The following LIMA1 variants were observed in gnomAD, a reference collection of about 807,000 sequenced individuals.
LIMA1 encodes the protein LIM domain and actin-binding protein 1.
LIMA1 carries 52 observed loss-of-function variants against 62.6 expected under a neutral mutation model. The ratio of observed to expected loss-of-function variants is 0.83; its 90% CI spans 0.67 to 1.05. LIMA1 has a LOEUF of 1.05. Among genes scored for constraint, LIMA1 ranks in the 50% least tolerant of loss-of-function variants. The pLI is 0.00. For synonymous variants in LIMA1, 302 were observed against 317.8 expected (o/e 0.95, Z 0.53); for missense variants, 780 against 902.2 (o/e 0.86, Z 1.74).
At chr12:50,221,658 C>A (rs921722525) in intron 4 of LIMA1, among the ~76,000 whole-genome samples, 1 of 152,108 alleles carries the variant, frequency 6.6e-6, no homozygotes, top group Non-Finnish European at 1.5e-5. Flanking sequence ...CAGCTGTGTC[C>A]AAGCAGAGAG....
intron 8 of LIMA1, chr12:50,195,610 T>TC (rs1449033062): frequency 1.3e-5 from 5 of 391,126 alleles, no homozygotes; most frequent in Non-Finnish European, 1.8e-5. Flanking sequence ...AGAAAAGCAT[T>TC]ACAAGTATTC....
chr12:50,183,708 G>T (rs990553579), intron 9 of LIMA1, among the ~76,000 whole-genome samples: 17 of 151,440 alleles, frequency 1.1e-4, no homozygotes, highest in African/African-American at 3.9e-4. Context: ...CTACTCGGGA[G>T]GCTGAGGCAG....
In LIMA1 at chr12:50,193,537, A is replaced by C. The variant is rs192395243; in HGVS notation, c.1031-976T>G. On this transcript the variant is annotated intron_variant, in intron 8 of 10. Coordinates refer to ENST00000341247, the MANE Select transcript of LIMA1 (RefSeq NM_016357.5). ...TATGATATATATACACATATATGAT[A>C]TATATATACATATATATCATATATG... is the stretch of plus-strand genomic sequence containing the variant. Among the ~76,000 whole-genome samples the C allele has an allele frequency of 6.1e-3, 829 of 136,652 alleles. 10 individuals are homozygous for C. Among genetic ancestry groups the C allele is most frequent in the African/African-American group, 0.022 (800 of 35,916 alleles). 89.6% of individuals were successfully genotyped at this position (136,652 alleles called of 152,430 possible).
At chr12:50,252,215 G>A (rs1028071736) in intron 1 of LIMA1, among the ~76,000 whole-genome samples, 1 of 152,188 alleles carries the variant, frequency 6.6e-6, no homozygotes, top group Admixed American at 6.6e-5. Flanking sequence ...AAGGCAGGAG[G>A]AGGAAGGAGG....
intron 9 of LIMA1, chr12:50,185,314 A>G: frequency 2.2e-6 from 1 of 454,328 alleles, no homozygotes; most frequent in South Asian, 1.6e-5. Context: ...GGGGAGGCAC[A>G]CACTGTGGGA....
intron 4 of LIMA1, chr12:50,220,632 C>A (rs186787571): frequency 2.6e-5 from 4 of 152,282 alleles, no homozygotes; most frequent in Admixed American, 2.6e-4. Context: ...AGGAGACTTA[C>A]AATGGTGCTT....
chr12:50,261,049 T>A (rs1462458836), intron 1 of LIMA1, among the ~76,000 whole-genome samples: 2 of 39,532 alleles, frequency 5.1e-5, no homozygotes, highest in East Asian at 5.2e-4. Flanking sequence ...TATATTTTTT[T>A]TTTTTTTTTT....
At chr12:50,263,833 A>T (rs1292779280) in intron 1 of LIMA1, among the ~76,000 whole-genome samples, 4 of 112,984 alleles carry the variant, frequency 3.5e-5, no homozygotes, top group Admixed American at 1.0e-4. Flanking sequence ...ATATAGAGAG[A>T]GTATATATAT....
intron 4 of LIMA1, among the ~76,000 whole-genome samples, chr12:50,220,121 C>T (rs750338510): frequency 2.0e-5 from 3 of 151,926 alleles, no homozygotes; most frequent in Non-Finnish European, 4.4e-5. Context: ...AGTGCAGTGG[C>T]ATGATCTCGG....
rs2138457312 is a variant in LIMA1 at position 50,198,490 on chromosome 12, G to A, written c.972+2287C>T. Among the ~76,000 whole-genome samples, 2 of 152,286 alleles carry A rather than the reference G, an allele frequency of 1.3e-5. 1 individual carries two copies. The highest frequency in any genetic ancestry group is 6.8e-3 in the Middle Eastern group (2 of 294). On this transcript the variant is annotated intron_variant, in intron 7 of 10. Coordinates refer to ENST00000341247, the MANE Select transcript of LIMA1 (RefSeq NM_016357.5). Reference sequence around the variant, plus strand: ...GATCACTTGAGCCCAAGAGTTGGAGGCTACAGTGAGCTATGATCACACTAC... The same window carrying A: ...GATCACTTGAGCCCAAGAGTTGGAGACTACAGTGAGCTATGATCACACTAC...
At position 50,218,732 on chromosome 12, in the gene LIMA1, G is replaced by A. The variant is rs111540426; in HGVS notation, c.630+3289C>T. On this transcript the variant is annotated intron_variant, in intron 4 of 10. Coordinates refer to ENST00000341247, the MANE Select transcript of LIMA1 (RefSeq NM_016357.5). ...AACAGTCTGGGCAACATAGCGAAAC[G>A]CTGTCTCCATAAAAAATTTTAAAAA... Among the ~76,000 whole-genome samples the A allele has an allele frequency of 2.8e-3, 420 of 151,928 alleles. 3 individuals carry two copies. The highest frequency in any genetic ancestry group is 9.4e-3 in the African/African-American group (388 of 41,420).
chr12:50,217,963 G>GAT (rs1941375418), intron 4 of LIMA1: 1 of 151,578 alleles, frequency 6.6e-6, no homozygotes, highest in Non-Finnish European at 1.4e-5. Flanking sequence ...GGAGTGCAGT[G>GAT]GCGTGATCTC....
chr12:50,263,793 G>C (rs1341697078), intron 1 of LIMA1, among the ~76,000 whole-genome samples: 1 of 141,852 alleles, frequency 7.0e-6, no homozygotes, highest in Non-Finnish European at 1.5e-5. Flanking sequence ...CTCTGTGTGT[G>C]TGTGTGTGTG....
At chr12:50,255,577 A>G (rs1313245412) in intron 1 of LIMA1, among the ~76,000 whole-genome samples, 1 of 151,296 alleles carries the variant, frequency 6.6e-6, no homozygotes, top group African/African-American at 2.4e-5. Flanking sequence ...AGAAAAGAAA[A>G]AAAAAAGTAA....
At chr12:50,193,638 G>A in intron 8 of LIMA1, among the ~76,000 whole-genome samples, 1 of 78,142 alleles carries the variant, frequency 1.3e-5, no homozygotes, top group African/African-American at 6.7e-5. Flanking sequence ...ATACGTGTGT[G>A]TGTGTGTGTG....
intron 1 of LIMA1, among the ~76,000 whole-genome samples, chr12:50,282,291 T>G (rs930489032): frequency 6.6e-6 from 1 of 152,180 alleles, no homozygotes; most frequent in Non-Finnish European, 1.5e-5. Context: ...TCCTGAAATA[T>G]TTAGCATTTG....
chr12:50,279,894 A>G (rs1942318132), intron 1 of LIMA1, among the ~76,000 whole-genome samples: 1 of 152,164 alleles, frequency 6.6e-6, no homozygotes. Flanking sequence ...TTTATGGAGA[A>G]AAAAAAGATT....
chr12:50,251,002 T>C (rs1418689645), intron 1 of LIMA1, among the ~76,000 whole-genome samples: 1 of 152,220 alleles, frequency 6.6e-6, no homozygotes, highest in Middle Eastern at 3.2e-3. Context: ...ATTCTATACA[T>C]GTACTTTGCA....
chr12:50,218,574 A>G (rs1941388716), intron 4 of LIMA1, among the ~76,000 whole-genome samples: 1 of 152,150 alleles, frequency 6.6e-6, no homozygotes, highest in African/African-American at 2.4e-5. Context: ...GTTAGTCACA[A>G]TGATGCCAAG....
Sources: allele counts gnomAD v4.1 joint callset (sites outside exome capture counted in the v4.1 genomes callset), GRCh38; gene constraint gnomAD v4.1.1; transcripts MANE v1.5; gene names NCBI Gene and HGNC (gene_info 2026-07-23, HGNC 2026-07-21).